Variants in ANO4 observed in about 807,000 individuals in gnomAD.
ANO4 encodes the protein anoctamin 4.
ANO4 carries 69 observed loss-of-function variants against 141.9 expected under a neutral mutation model. The observed-to-expected ratio is 0.49, with a 90% CI of 0.40 to 0.59. ANO4 has a LOEUF of 0.59. Among genes scored for constraint, ANO4 ranks in the 20% least tolerant of loss-of-function variants. The pLI, the probability that ANO4 is intolerant of heterozygous loss-of-function variation, is 0.00. For missense variants in ANO4, 894 were observed against 1,162.2 expected, an observed-to-expected ratio of 0.77 and a Z score of 3.36; for synonymous variants, 350 against 394.3, an observed-to-expected ratio of 0.89 and a Z score of 1.33.
At position 101,006,883 on chromosome 12, in the gene ANO4, T is replaced by C. The variant is rs76600327; in HGVS notation, c.735-13151T>C. ...TCAATTATATTTGCAAACTTTTGAT[T>C]CTTAAGTTTGTTAGTGGGTATATAG... On this transcript the variant is annotated intron_variant, in intron 8 of 27. Coordinates refer to ENST00000392977, the MANE Select transcript of ANO4 (RefSeq NM_001286615.2). Among the ~76,000 whole-genome samples, 1,020 of 152,322 alleles carry C rather than the reference T, an allele frequency of 6.7e-3. 8 individuals are homozygous for C. The highest frequency in any genetic ancestry group is 0.023 in the African/African-American group (968 of 41,584).
intron 14 of ANO4, among the ~76,000 whole-genome samples, chr12:101,065,716 G>A (rs1306999374): frequency 6.6e-6 from 1 of 152,024 alleles, no homozygotes; most frequent in Non-Finnish European, 1.5e-5. Flanking sequence ...TACTTGAACT[G>A]TTCTAAAAAA....
intron 1 of ANO4, among the ~76,000 whole-genome samples, chr12:100,834,580 C>T (rs988285343): frequency 1.3e-5 from 2 of 152,114 alleles, no homozygotes; most frequent in Middle Eastern, 3.4e-3. Context: ...ATCTGAGGTG[C>T]CGTGTATATA....
chr12:100,916,435 G>A (rs1445488584), intron 2 of ANO4, among the ~76,000 whole-genome samples: 2 of 152,078 alleles, frequency 1.3e-5, no homozygotes, highest in Non-Finnish European at 2.9e-5. Flanking sequence ...AAATTGCAGT[G>A]AAAGAGCATT....
At chr12:100,755,167 A>C (rs1162947952) in intron 3 of ANO4, among the ~76,000 whole-genome samples, 3 of 152,100 alleles carry the variant, frequency 2.0e-5, no homozygotes, top group Non-Finnish European at 4.4e-5. Flanking sequence ...TCATGGTCTA[A>C]CCTGGCCTAT....
At chr12:101,002,070 TCTC>T (rs2045668645) in intron 8 of ANO4, among the ~76,000 whole-genome samples, 2 of 152,068 alleles carry the variant, frequency 1.3e-5, no homozygotes, top group Admixed American at 6.6e-5. Context: ...TTTCGGCCCT[TCTC>T]CTCCTTTCTA....
At chr12:100,743,402 G>C (rs1205416082) in intron 3 of ANO4, among the ~76,000 whole-genome samples, 3 of 151,820 alleles carry the variant, frequency 2.0e-5, no homozygotes, top group African/African-American at 7.2e-5. Flanking sequence ...CTCTATCTCA[G>C]ATACTTTTAG....
chr12:101,070,770 C>G (rs1211220990), intron 14 of ANO4, among the ~76,000 whole-genome samples: 1 of 152,152 alleles, frequency 6.6e-6, no homozygotes, highest in Non-Finnish European at 1.5e-5. Context: ...AACTATCCGT[C>G]TGATAAGGGA....
intron 5 of ANO4, among the ~76,000 whole-genome samples, chr12:100,964,948 C>T (rs922852358): frequency 5.3e-5 from 8 of 152,134 alleles, no homozygotes; most frequent in East Asian, 1.9e-4. Flanking sequence ...GCTTGAGTTC[C>T]GCAAGAGCAG....
Position 100,771,831 on chromosome 12 carries a change from G to T in ANO4, c.358+31726G>T, listed in dbSNP as rs528980227. 1.2e-3 allele frequency among the ~76,000 whole-genome samples: 187 copies of T among 152,330 alleles called. 1 individual carries two copies. Among genetic ancestry groups the T allele is most frequent in the African/African-American group, 4.4e-3 (183 of 41,582 alleles). On this transcript the variant is annotated intron_variant, in intron 3 of 29. Coordinates refer to the ANO4 transcript ENST00000644049. ...TGCGGGTATACGTGAGTGTGGTCAGGCAGGAGGGCCTGAGTCCTTGACTGC... is the reference window on the plus strand; with the variant it reads ...TGCGGGTATACGTGAGTGTGGTCAGTCAGGAGGGCCTGAGTCCTTGACTGC...
At chr12:100,838,450 C>A (rs2037064769) in intron 1 of ANO4, among the ~76,000 whole-genome samples, 1 of 152,030 alleles carries the variant, frequency 6.6e-6, no homozygotes, top group Non-Finnish European at 1.5e-5. Context: ...TACTCACTAT[C>A]AGCATAGCAG....
intron 3 of ANO4, among the ~76,000 whole-genome samples, chr12:100,757,220 T>G (rs989989030): frequency 6.6e-6 from 1 of 152,160 alleles, no homozygotes; most frequent in Admixed American, 6.5e-5. Context: ...TCTATCTCCT[T>G]CTATCCCCAA....
At chr12:101,058,915 G>C (rs1347470233) in intron 14 of ANO4, among the ~76,000 whole-genome samples, 2 of 152,146 alleles carry the variant, frequency 1.3e-5, no homozygotes, top group African/African-American at 4.8e-5. Context: ...TAGGAGTGGT[G>C]AGAGAGGGCA....
chr12:100,933,194 T>C (rs1472416141), intron 3 of ANO4, among the ~76,000 whole-genome samples: 1 of 152,032 alleles, frequency 6.6e-6, no homozygotes, highest in Non-Finnish European at 1.5e-5. Context: ...TAGGTATACA[T>C]GTGCCATGTT....
At chr12:101,048,215 C>A in intron 13 of ANO4, 126 bp from the exon 14 acceptor site, 1 of 1,150,310 alleles carries the variant, frequency 8.7e-7, no homozygotes, top group Non-Finnish European at 1.2e-6. Context: ...GAATATTCCC[C>A]CTACCCAAAA....
intron 8 of ANO4, among the ~76,000 whole-genome samples, chr12:101,004,203 G>A (rs1050366993): frequency 1.3e-5 from 2 of 151,980 alleles, no homozygotes; most frequent in African/African-American, 4.8e-5. Context: ...TCAAGCAGAT[G>A]ATAACTGCAG....
At chr12:100,756,951 C>T (rs953597294) in intron 3 of ANO4, among the ~76,000 whole-genome samples, 3 of 152,176 alleles carry the variant, frequency 2.0e-5, no homozygotes, top group Non-Finnish European at 4.4e-5. Flanking sequence ...CTCTGACTTC[C>T]TTCTAGACAT....
At chr12:101,091,083 G>A (rs1039653129) in intron 17 of ANO4, among the ~76,000 whole-genome samples, 4 of 152,136 alleles carry the variant, frequency 2.6e-5, no homozygotes, top group African/African-American at 4.8e-5. Flanking sequence ...GTTCACACTC[G>A]AAAGCTAACA....
chr12:100,824,827 T>C (rs1289744359), intron 1 of ANO4, among the ~76,000 whole-genome samples: 10 of 152,060 alleles, frequency 6.6e-5, no homozygotes, highest in Admixed American at 3.3e-4. Context: ...AATTTGAGTA[T>C]TGGCAGATTA....
chr12:101,024,784 A>T (rs924012076), intron 9 of ANO4, among the ~76,000 whole-genome samples: 24 of 152,210 alleles, frequency 1.6e-4, no homozygotes, highest in African/African-American at 5.8e-4. Context: ...GGTGCGCTAG[A>T]CAAACTATAA....
Sources: allele counts gnomAD v4.1 joint callset (sites outside exome capture counted in the v4.1 genomes callset), GRCh38; gene constraint gnomAD v4.1.1; transcripts MANE v1.5; gene names NCBI Gene and HGNC (gene_info 2026-07-23, HGNC 2026-07-21).